The following MCPH1 variants were observed in gnomAD, a reference collection of about 807,000 sequenced individuals.
The protein encoded by MCPH1 is microcephalin.
Under a neutral mutation model 84.5 loss-of-function variants are expected in MCPH1, and 104 were observed. The observed-to-expected ratio is 1.23, with a 90% CI of 1.05 to 1.45. MCPH1 has a LOEUF of 1.45. MCPH1 is among the 40% of genes most tolerant of loss of function. MCPH1 has a pLI of 0.00. For synonymous variants in MCPH1, 514 were observed against 366.8 expected, an observed-to-expected ratio of 1.40 and a Z score of -4.58; for missense variants, 1,498 against 1,005.7, an observed-to-expected ratio of 1.49 and a Z score of -6.62.
chr8:6,447,966 G>A (rs955197722), intron 8 of MCPH1, among the ~76,000 whole-genome samples: 2 of 152,032 alleles, frequency 1.3e-5, no homozygotes, highest in African/African-American at 4.8e-5. Flanking sequence ...AGATTGCTAA[G>A]AAGACTAGAA....
At chr8:6,566,696 G>A (rs1000983283) in intron 12 of MCPH1, among the ~76,000 whole-genome samples, 24 of 151,886 alleles carry the variant, frequency 1.6e-4, no homozygotes, top group African/African-American at 3.4e-4. Context: ...GATAGTGAAC[G>A]TGGTGCGGTG....
intron 2 of MCPH1, among the ~76,000 whole-genome samples, chr8:6,411,949 C>G (rs902076378): frequency 2.6e-5 from 4 of 152,012 alleles, no homozygotes; most frequent in African/African-American, 9.7e-5. Context: ...TTGGGAGGGG[C>G]TGACTGATAG....
chr8:6,526,410 G>C (rs1818346794), intron 12 of MCPH1, among the ~76,000 whole-genome samples: 2 of 151,680 alleles, frequency 1.3e-5, no homozygotes, highest in African/African-American at 4.8e-5. Flanking sequence ...CTCCAGCCAG[G>C]GCAACCAGAG....
chr8:6,571,883 G>T (rs1177049108), intron 12 of MCPH1, among the ~76,000 whole-genome samples: 1 of 152,140 alleles, frequency 6.6e-6, no homozygotes, highest in Non-Finnish European at 1.5e-5. Flanking sequence ...TTTGCTTGAA[G>T]TATATAAAAA....
intron 12 of MCPH1, chr8:6,527,591 T>A: frequency 6.2e-7 from 1 of 1,614,074 alleles, no homozygotes; most frequent in Non-Finnish European, 8.5e-7. Context: ...TTCACTGGTC[T>A]GGTCCAAAAT....
At chr8:6,470,860 A>G (rs1807628792) in intron 9 of MCPH1, among the ~76,000 whole-genome samples, 1 of 152,234 alleles carries the variant, frequency 6.6e-6, no homozygotes, top group Non-Finnish European at 1.5e-5. Flanking sequence ...CTGAAGGAGA[A>G]AAGTAGTGTT....
At chr8:6,423,299 G>C (rs928240038) in intron 3 of MCPH1, among the ~76,000 whole-genome samples, 1 of 147,672 alleles carries the variant, frequency 6.8e-6, no homozygotes, top group Non-Finnish European at 1.5e-5. Flanking sequence ...TGAGTAGCTG[G>C]GACTACAGGC....
intron 12 of MCPH1, among the ~76,000 whole-genome samples, chr8:6,556,776 T>C (rs992908036): frequency 6.6e-6 from 1 of 151,966 alleles, no homozygotes; most frequent in Non-Finnish European, 1.5e-5. Flanking sequence ...ATTGTAGAGA[T>C]GGGGGTCTCA....
chr8:6,487,232 GT>G (rs1810045423), intron 11 of MCPH1, among the ~76,000 whole-genome samples: 1 of 152,186 alleles, frequency 6.6e-6, no homozygotes, highest in African/African-American at 2.4e-5. Context: ...ATAATCTAGT[GT>G]TTTCTTAATC....
chr8:6,411,660 T>C (rs1359641004), intron 2 of MCPH1, among the ~76,000 whole-genome samples: 1 of 152,238 alleles, frequency 6.6e-6, no homozygotes, highest in Non-Finnish European at 1.5e-5. Flanking sequence ...CAGTGCGTGA[T>C]TTTTATTATA....
At chr8:6,526,986 A>C (rs1007508752) in intron 12 of MCPH1, among the ~76,000 whole-genome samples, 2 of 152,214 alleles carry the variant, frequency 1.3e-5, no homozygotes, top group Non-Finnish European at 2.9e-5. Context: ...TTTGAAGAGG[A>C]AACATTGGAT....
At chr8:6,429,623 C>T (rs1014018903) in intron 3 of MCPH1, among the ~76,000 whole-genome samples, 3 of 151,834 alleles carry the variant, frequency 2.0e-5, no homozygotes, top group Non-Finnish European at 2.9e-5. Context: ...CCTTTACTAT[C>T]ATTTTATTGG....
intron 12 of MCPH1, chr8:6,508,458 A>C (rs575746101): frequency 2.3e-5 from 4 of 177,550 alleles, no homozygotes; most frequent in Non-Finnish European, 4.6e-5. Flanking sequence ...TAAATAAACA[A>C]CTGGAGACTG....
chr8:6,558,055 A>C (rs1302567444), intron 12 of MCPH1, among the ~76,000 whole-genome samples: 2 of 152,056 alleles, frequency 1.3e-5, no homozygotes, highest in Non-Finnish European at 2.9e-5. Flanking sequence ...TAGTTACCTC[A>C]GTCTTTCAAA....
chr8:6,453,060 G>C (rs1191652851), intron 8 of MCPH1, among the ~76,000 whole-genome samples: 1 of 152,202 alleles, frequency 6.6e-6, no homozygotes, highest in Non-Finnish European at 1.5e-5. Flanking sequence ...TCACCTTGGG[G>C]AGTGAGAAGG....
At position 6,647,948 on chromosome 8, in the gene MCPH1, C is replaced by A. The variant is rs557656322; in HGVS notation, c.*4899C>A. 11 of 151,898 alleles carry A rather than the reference C, an allele frequency of 7.2e-5. No individual in the cohort carries two copies. Among genetic ancestry groups the A allele is most frequent in the Non-Finnish European group, 1.0e-4 (7 of 67,984 alleles). The allele number at this position is 151,898 out of a possible 1,614,324, so 9.4% of individuals were successfully genotyped here. On this transcript the variant is annotated 3_prime_UTR_variant, in exon 14 of 14. Transcript: ENST00000344683. The stretch of plus-strand genomic sequence containing the variant: ...TTTTAAAAAAAAGAGAGAGAGAGAA[C>A]GAGAGCTACATGGCAGCCCCAGGGC...
intron 13 of MCPH1, chr8:6,634,739 A>G (rs1351595096): frequency 6.6e-6 from 1 of 152,224 alleles, no homozygotes; most frequent in Non-Finnish European, 1.5e-5. Flanking sequence ...TTATGCCTTG[A>G]CTACTGTTCT....
At chr8:6,594,767 G>A (rs973958640) in intron 12 of MCPH1, among the ~76,000 whole-genome samples, 4 of 151,908 alleles carry the variant, frequency 2.6e-5, no homozygotes, top group South Asian at 2.1e-4. Flanking sequence ...TCATTTCTGC[G>A]ATGCTACAGA....
At chr8:6,561,277 C>T (rs1410825393) in intron 12 of MCPH1, among the ~76,000 whole-genome samples, 1 of 152,190 alleles carries the variant, frequency 6.6e-6, no homozygotes, top group African/African-American at 2.4e-5. Flanking sequence ...AGTTTTATGT[C>T]ACATGAAATC....
Sources: allele counts gnomAD v4.1 joint callset (sites outside exome capture counted in the v4.1 genomes callset), GRCh38; gene constraint gnomAD v4.1.1; transcripts MANE v1.5; gene names NCBI Gene and HGNC (gene_info 2026-07-23, HGNC 2026-07-21).